Variants in MCCC2 observed in about 807,000 individuals in gnomAD.
The protein encoded by MCCC2 is methylcrotonyl-CoA carboxylase subunit 2.
A neutral mutation model predicts 77.2 loss-of-function variants in MCCC2; 52 were observed. The ratio of observed to expected loss-of-function variants is 0.67; its 90% confidence interval spans 0.54 to 0.85. The LOEUF (loss-of-function observed/expected upper bound fraction) is 0.85. Among genes scored for constraint, MCCC2 ranks in the 40% least tolerant of loss-of-function variants. The pLI is 0.00. For missense variants in MCCC2, 682 were observed against 703.2 expected (o/e 0.97, Z 0.34); for synonymous variants, 253 against 248.4 (o/e 1.02, Z -0.18).
At chr5:71,614,035 C>CACACACAG (rs1458542613) in intron 6 of MCCC2, among the ~76,000 whole-genome samples, 44 of 151,262 alleles carry the variant, frequency 2.9e-4, no homozygotes, top group African/African-American at 1.0e-3. Context: ...ATAATACACA[C>CACACACAG]ACACACACAC....
intron 6 of MCCC2, among the ~76,000 whole-genome samples, chr5:71,622,915 G>T (rs919833335): frequency 6.6e-6 from 1 of 152,192 alleles, no homozygotes; most frequent in African/African-American, 2.4e-5. Flanking sequence ...GACCATCCTG[G>T]CTAACATGGT....
In MCCC2 at chr5:71,652,668, G is replaced by C; in HGVS notation, c.1489-1G>C. On this transcript the variant is annotated splice_acceptor_variant, in intron 15 of 16. Transcript: ENST00000340941. LOFTEE classifies it high-confidence loss of function. ...CTTACTCATGGCCTCTTTTCCTTTA[G>C]TTCTCCAGTGCTGATGAAGCGGCTT... The C allele has an allele frequency of 1.2e-6, 2 of 1,614,002 alleles. No individual in the cohort carries two copies. Among genetic ancestry groups the C allele is most frequent in the Non-Finnish European group, 1.7e-6 (2 of 1,179,934 alleles).
intron 4 of MCCC2, 76 bp from the exon 5 acceptor site, chr5:71,602,430 G>C: frequency 1.3e-6 from 2 of 1,579,340 alleles, no homozygotes; most frequent in Non-Finnish European, 1.7e-6. Flanking sequence ...GTTGTATTGG[G>C]GTATCTTGTA....
At chr5:71,606,221 TC>T (rs1456276662) in intron 6 of MCCC2, among the ~76,000 whole-genome samples, 2 of 149,828 alleles carry the variant, frequency 1.3e-5, no homozygotes, top group Non-Finnish European at 3.0e-5. Context: ...GGAATGTTCT[TC>T]CATTTGTTTG....
intron 1 of MCCC2, among the ~76,000 whole-genome samples, chr5:71,591,966 CTA>C (rs1346438888): frequency 1.3e-5 from 2 of 152,008 alleles, no homozygotes; most frequent in Non-Finnish European, 2.9e-5. Context: ...GGAAGTCTCC[CTA>C]TGTTACTCAG....
intron 3 of MCCC2, among the ~76,000 whole-genome samples, chr5:71,597,205 TGTGCCAG>T (rs1561819690): frequency 6.6e-6 from 1 of 151,186 alleles, no homozygotes; most frequent in African/African-American, 2.4e-5. Flanking sequence ...GAGGTGGGAG[TGTGCCAG>T]GTAATGCTGG....
At chr5:71,633,131 A>ATTTTTTTTTTTAT (rs1306338509) in intron 8 of MCCC2, among the ~76,000 whole-genome samples, 1 of 78,096 alleles carries the variant, frequency 1.3e-5, no homozygotes. Flanking sequence ...ATATATATAT[A>ATTTTTTTTTTTAT]TTTTTATTTT....
chr5:71,589,406 G>A (rs1644776127), intron 1 of MCCC2, among the ~76,000 whole-genome samples: 1 of 152,250 alleles, frequency 6.6e-6, no homozygotes, highest in South Asian at 2.1e-4. Flanking sequence ...AGCTGCTGCT[G>A]TGACTGTTCC....
rs1270854979 is a variant in MCCC2 at position 71,650,156 on chromosome 5, G to A, written c.1461G>A (p.Lys487=). The change falls in exon 15 of 17, where the codon AAG becomes AAA. Residue 487 remains lysine, a synonymous_variant. Transcript: ENST00000340941. ...QAANVLATIT[K]DQRAREGKQF... The stretch of plus-strand genomic sequence containing the variant: ...CCAATGTGTTGGCCACGATAACAAA[G>A]GACCAAAGAGCCCGGGAAGGAAAGC... The A allele has an allele frequency of 6.2e-7, 1 of 1,614,144 alleles. No individual in the cohort carries two copies. Among genetic ancestry groups the A allele is most frequent in the Non-Finnish European group, 8.5e-7 (1 of 1,180,000 alleles).
chr5:71,593,067 A>G (rs1745044110), intron 2 of MCCC2, 75 bp downstream of exon 2: 2 of 1,267,342 alleles, frequency 1.6e-6, no homozygotes, highest in African/African-American at 3.0e-5. Context: ...TTTAGGAAAA[A>G]TACTGGAATT....
chr5:71,602,899 C>A, intron 5 of MCCC2: 1 of 456,164 alleles, frequency 2.2e-6, no homozygotes, highest in South Asian at 2.7e-5. Context: ...TTTTTGTTCT[C>A]TAGATCCTGT....
At chr5:71,608,677 G>T (rs1745790455) in intron 6 of MCCC2, among the ~76,000 whole-genome samples, 1 of 152,190 alleles carries the variant, frequency 6.6e-6, no homozygotes, top group Non-Finnish European at 1.5e-5. Context: ...AGTCTTGAAG[G>T]TCTTTACATT....
At chr5:71,599,626 A>G (rs1251106348) in intron 3 of MCCC2, 33 bp from the exon 4 acceptor site, 5 of 1,546,636 alleles carry the variant, frequency 3.2e-6, no homozygotes, top group Non-Finnish European at 4.5e-6. Context: ...TTTTAATGAC[A>G]TTAATTCAAA....
At chr5:71,636,198 A>G (rs958216212) in intron 10 of MCCC2, 4 of 332,426 alleles carry the variant, frequency 1.2e-5, no homozygotes, top group South Asian at 2.6e-5. Flanking sequence ...TTCTGAATGC[A>G]TTGATGGATA....
intron 8 of MCCC2, among the ~76,000 whole-genome samples, chr5:71,633,653 A>G (rs1746819931): frequency 6.6e-6 from 1 of 152,106 alleles, no homozygotes; most frequent in African/African-American, 2.4e-5. Flanking sequence ...TTAAGAGCTA[A>G]TTTGACACAA....
rs1279209360 is a variant in MCCC2 at position 71,643,813 on chromosome 5, T to A, written c.1073-6T>A. ...GACATAAATCTTCTTTGAACTTTCT[T>A]TTGAGGATTTGCTCGAATATTTGGG... On this transcript the variant is annotated splice_region_variant and splice_polypyrimidine_tract_variant and intron_variant, in intron 11 of 16. Coordinates refer to ENST00000340941, the MANE Select transcript of MCCC2 (RefSeq NM_022132.5). 1 of 1,614,132 alleles carries A rather than the reference T, an allele frequency of 6.2e-7. No homozygotes were observed. Among genetic ancestry groups the A allele is most frequent in the East Asian group, 2.2e-5 (1 of 44,852 alleles).
At chr5:71,634,844 G>A in intron 8 of MCCC2, 99 bp from the exon 9 acceptor site, 1 of 1,048,544 alleles carries the variant, frequency 9.5e-7, no homozygotes, top group Non-Finnish European at 1.5e-6. Flanking sequence ...AGAAGTAAAA[G>A]TGCTGTCATC....
chr5:71,624,693 CT>C (rs36140678), intron 6 of MCCC2, among the ~76,000 whole-genome samples: 53,731 of 100,552 alleles, frequency 0.53, 13,512 homozygotes, highest in South Asian at 0.6. Flanking sequence ...TTCTTTCTTT[CT>C]TTTTTTTTTT....
At chr5:71,592,473 T>C (rs1745019192) in intron 1 of MCCC2, among the ~76,000 whole-genome samples, 1 of 152,178 alleles carries the variant, frequency 6.6e-6, no homozygotes, top group Non-Finnish European at 1.5e-5. Flanking sequence ...TAAGCAAGCA[T>C]TGGTTGGAAT....
Sources: gnomAD v4.1 joint callset for allele counts (sites outside exome capture counted in the v4.1 genomes callset) on GRCh38, gnomAD v4.1.1 for gene constraint, MANE v1.5 for transcripts, NCBI Gene and HGNC (gene_info 2026-07-23, HGNC 2026-07-21) for gene names.